The following ATF7 variants were observed in gnomAD, a reference collection of about 807,000 sequenced individuals.
ATF7 encodes cyclic AMP-dependent transcription factor ATF-7.
In ATF7, 10 loss-of-function variants were observed where a neutral mutation model predicts 50.4. The ratio of observed to expected loss-of-function variants is 0.20; its 90% confidence interval spans 0.12 to 0.34. The LOEUF is 0.34. Among genes scored for constraint, ATF7 ranks in the 10% least tolerant of loss-of-function variants. ATF7 has a pLI of 1.00. For synonymous variants in ATF7, 201 were observed against 226.4 expected, an observed-to-expected ratio of 0.89 and a Z score of 1.01; for missense variants, 465 against 613.9, an observed-to-expected ratio of 0.76 and a Z score of 2.56.
chr12:53,524,636 T>G lies in ATF7; in HGVS notation c.1053A>C (p.Gln351His). The G allele has an allele frequency of 6.2e-7, 1 of 1,613,956 alleles. No individual in the cohort carries two copies. Among genetic ancestry groups the G allele is most frequent in the East Asian group, 2.2e-5 (1 of 44,894 alleles). ...GGGAGGACACCCACAGCTTTCGCTT[T>G]TGGCGGCAGCGGGAGGCTGCAGCCC... ...RNRAAASRCRQKRKLWVSSLE... is the reference protein window; with the variant it reads ...RNRAAASRCRHKRKLWVSSLE... Residue 351 changes from glutamine (Q) to histidine (H), a missense_variant, in exon 10 of 12, where the codon CAA becomes CAC. Coordinates refer to ENST00000420353, the MANE Select transcript of ATF7 (RefSeq NM_006856.3). The surrounding 1 kb of genome is among the most constrained non-coding windows in gnomAD (Gnocchi z 4.6).
intron 3 of ATF7, chr12:53,543,723 TTTTACCTCG>T (rs1939709811): frequency 5.3e-6 from 2 of 374,688 alleles, no homozygotes; most frequent in African/African-American, 2.1e-5. Context: ...TCAGTGCTAG[TTTTACCTCG>T]TTTACCTCCA....
At chr12:53,618,074 TTTG>T (rs1178754386) in intron 1 of ATF7, among the ~76,000 whole-genome samples, 3 of 152,180 alleles carry the variant, frequency 2.0e-5, no homozygotes, top group Non-Finnish European at 4.4e-5. Context: ...ATGCAAAATA[TTTG>T]TTGTTGTTGA....
chr12:53,525,592 T>A (rs1186772516), intron 9 of ATF7, among the ~76,000 whole-genome samples: 1 of 152,232 alleles, frequency 6.6e-6, no homozygotes, highest in Non-Finnish European at 1.5e-5. Flanking sequence ...TAGATAAGTG[T>A]ATTATTTTTA....
Position 53,524,488 on chromosome 12 carries a change from T to A in ATF7, c.1125+76A>T. ...TAGAGAATTACCATCTTCTATCAAA[T>A]TGTACCACTTTTTTCTGATTCCATC... On this transcript the variant is annotated intron_variant, in intron 10 of 11. Coordinates refer to ENST00000420353, the MANE Select transcript of ATF7 (RefSeq NM_006856.3). The surrounding 1 kb of genome is among the most constrained non-coding windows in gnomAD (Gnocchi z 4.6). The A allele has an allele frequency of 6.6e-7, 1 of 1,514,514 alleles. No individual in the cohort carries two copies. The highest frequency in any genetic ancestry group is 9.1e-7 in the Non-Finnish European group (1 of 1,102,742). The allele number at this position is 1,514,514 out of a possible 1,614,324, so 93.8% of individuals were successfully genotyped here.
rs567868221 is a variant in ATF7, at chr12:53,568,260, T to C, written c.49-15623A>G. 2.6e-4 allele frequency among the ~76,000 whole-genome samples: 39 copies of C among 152,304 alleles called. 1 individual carries two copies. In the South Asian group the frequency reaches 7.2e-3, roughly 28 times the overall value. The stretch of plus-strand genomic sequence containing the variant: ...ATCTTTAAGGCCTTATGCAGTTTAG[T>C]ACTGTAACAGTCAAGCCAAAAGAAA... On this transcript the variant is annotated intron_variant, in intron 2 of 11. Coordinates refer to ENST00000420353, the MANE Select transcript of ATF7 (RefSeq NM_006856.3).
At chr12:53,574,946 C>T in intron 2 of ATF7, 1 of 231,010 alleles carries the variant, frequency 4.3e-6, no homozygotes, top group Non-Finnish European at 8.4e-6. Context: ...TGCCATTGAG[C>T]TTAAGCCAAA....
chr12:53,619,650 A>G (rs1271573922), intron 1 of ATF7, among the ~76,000 whole-genome samples: 1 of 151,820 alleles, frequency 6.6e-6, no homozygotes, highest in East Asian at 1.9e-4. Context: ...TGTCTCTACA[A>G]AAAATACAAA....
chr12:53,533,027 C>T, intron 7 of ATF7, 133 bp downstream of exon 7: 1 of 761,100 alleles, frequency 1.3e-6, no homozygotes, highest in Non-Finnish European at 2.2e-6. Flanking sequence ...AGAGTTTAGG[C>T]AGGCTGCCAT....
At chr12:53,534,749 G>T in intron 5 of ATF7, 90 bp from the exon 6 acceptor site, 1 of 1,416,352 alleles carries the variant, frequency 7.1e-7, no homozygotes, top group Non-Finnish European at 9.6e-7. Context: ...CAAATTTATT[G>T]GAAAGAGCAT....
chr12:53,604,940 T>C (rs546716404), intron 1 of ATF7, among the ~76,000 whole-genome samples: 1 of 152,316 alleles, frequency 6.6e-6, no homozygotes, highest in African/African-American at 2.4e-5. Flanking sequence ...AAAGAAATCA[T>C]CATCATTAAG....
At chr12:53,547,790 T>C (rs1940044604) in intron 3 of ATF7, among the ~76,000 whole-genome samples, 1 of 150,876 alleles carries the variant, frequency 6.6e-6, no homozygotes, top group South Asian at 2.1e-4. Flanking sequence ...TATGTATGTA[T>C]GTATGATGTA....
chr12:53,552,613 C>T lies in ATF7; in HGVS notation c.73G>A (p.Ala25Thr). ...GQRFTNEDHL[A>T]VHKHKHEMTL... ...ATCTCATGCTTGTGTTTATGAACTG[C>T]CAGGTGGTCCTCGTTTGTAAATCTC... The change falls in exon 3 of 12, where the codon GCA becomes ACA. Residue 25 changes from alanine to threonine, a missense_variant. Physicochemically the swap from Ala to Thr is moderately conservative, Grantham distance 58. Coordinates refer to ENST00000420353, the MANE Select transcript of ATF7 (RefSeq NM_006856.3). 6.2e-7 allele frequency: 1 copy of T among 1,613,704 alleles called. No homozygotes were observed. Among genetic ancestry groups the T allele is most frequent in the South Asian group, 1.1e-5 (1 of 91,068 alleles).
chr12:53,580,663 CAAAAAAA>C lies in ATF7; in HGVS notation c.48+20283_48+20289del, dbSNP rs539252431. ...TGGGTGACAGAGCGAGACTCCATCTCAAAAAAAAAAAAAAAAAAAAAGTAAAAAGATA... is the reference window on the plus strand; with the variant it reads ...TGGGTGACAGAGCGAGACTCCATCTCAAAAAAAAAAAAAAGTAAAAAGATA... On this transcript the variant is annotated intron_variant, in intron 2 of 11. Coordinates refer to ENST00000420353, the MANE Select transcript of ATF7 (RefSeq NM_006856.3). Among the ~76,000 whole-genome samples, 18 of 37,714 alleles carry C rather than the reference CAAAAAAA, an allele frequency of 4.8e-4. No homozygotes were observed. In the South Asian group the frequency reaches 9.3e-3, roughly 20 times the overall value. 24.7% of individuals were successfully genotyped at this position (37,714 alleles called of 152,430 possible).
intron 3 of ATF7, among the ~76,000 whole-genome samples, chr12:53,550,327 A>AAAATAAAT (rs796329523): frequency 8.8e-6 from 1 of 113,526 alleles, no homozygotes; most frequent in Non-Finnish European, 1.7e-5. Context: ...CTGTCTCAAA[A>AAAATAAAT]AAAAAAATAA....
rs1325571451 is a variant in ATF7, at chr12:53,537,531, T to C, written c.286A>G (p.Met96Val). The change falls in exon 5 of 12, where the codon ATG becomes GTG. Residue 96 changes from methionine to valine, a missense_variant. By Grantham distance (21) the Met-to-Val change is conservative. Transcript: ENST00000420353. ...EKKAAAGPLD[M>V]SLPSTPDIKI... ...ATGTCTGGTGTGGAAGGCAGAGACATGTCAAGGGGCCCAGCAGCAGCCTGT... is the reference window on the plus strand; with the variant it reads ...ATGTCTGGTGTGGAAGGCAGAGACACGTCAAGGGGCCCAGCAGCAGCCTGT... The C allele has an allele frequency of 6.2e-6, 10 of 1,613,474 alleles. No individual in the cohort carries two copies. In the East Asian group the frequency reaches 1.3e-4, roughly 22 times the overall value.
chr12:53,554,177 C>A (rs1000258184), intron 2 of ATF7, among the ~76,000 whole-genome samples: 1 of 152,172 alleles, frequency 6.6e-6, no homozygotes, highest in Non-Finnish European at 1.5e-5. Flanking sequence ...GTCGCCCAGG[C>A]TGGAGTGCAG....
At chr12:53,520,800 TTTA>T (rs1938075524) in intron 11 of ATF7, among the ~76,000 whole-genome samples, 1 of 152,112 alleles carries the variant, frequency 6.6e-6, no homozygotes, top group African/African-American at 2.4e-5. Flanking sequence ...GGTGTAATTT[TTTA>T]TTCTTTTTCT....
chr12:53,532,368 CT>C, intron 8 of ATF7, 141 bp downstream of exon 8: 1 of 638,520 alleles, frequency 1.6e-6, no homozygotes, highest in South Asian at 2.2e-5. Context: ...GGAGTCTTTT[CT>C]TTTCCAGACC....
chr12:53,508,660 T>C (rs972538528), downstream of ATF7, among the ~76,000 whole-genome samples: 1 of 152,116 alleles, frequency 6.6e-6, no homozygotes, highest in Non-Finnish European at 1.5e-5. Context: ...CCATCCTCAC[T>C]AGAGAGCACT....
Sources: allele counts gnomAD v4.1 joint callset (sites outside exome capture counted in the v4.1 genomes callset), GRCh38; gene constraint gnomAD v4.1.1; non-coding constraint Gnocchi (gnomAD v3.1); transcripts MANE v1.5; gene names NCBI Gene and HGNC (gene_info 2026-07-23, HGNC 2026-07-21).